The following MSRA variants were observed in gnomAD, a reference collection of about 807,000 sequenced individuals.
The protein encoded by MSRA is mitochondrial peptide methionine sulfoxide reductase.
Under a neutral mutation model 31.3 loss-of-function variants are expected in MSRA, and 54 were observed. The ratio of observed to expected loss-of-function variants is 1.73; its 90% CI spans 1.39 to 2.17. The LOEUF (loss-of-function observed/expected upper bound fraction) is 2.17. MSRA is among the 30% of genes most tolerant of loss of function. MSRA has a pLI of 0.00. For synonymous variants in MSRA, 169 were observed against 116.5 expected, an observed-to-expected ratio of 1.45 and a Z score of -2.90; for missense variants, 507 against 300.9, an observed-to-expected ratio of 1.69 and a Z score of -5.07.
intron 1 of MSRA, among the ~76,000 whole-genome samples, chr8:10,176,298 C>G (rs1372611271): frequency 6.6e-6 from 1 of 152,168 alleles, no homozygotes; most frequent in Non-Finnish European, 1.5e-5. Flanking sequence ...TTGTTCATCT[C>G]AAATCAAGCC....
chr8:10,211,164 A>T (rs1809458165), intron 2 of MSRA, among the ~76,000 whole-genome samples: 1 of 152,204 alleles, frequency 6.6e-6, no homozygotes, highest in Non-Finnish European at 1.5e-5. Context: ...TTTAGATTAG[A>T]ATGTGAAATG....
At chr8:10,352,197 G>T (rs1344700840) in intron 5 of MSRA, among the ~76,000 whole-genome samples, 1 of 152,188 alleles carries the variant, frequency 6.6e-6, no homozygotes, top group Non-Finnish European at 1.5e-5. Context: ...GGACGAGAAG[G>T]AGATGTTGTA....
intron 2 of MSRA, among the ~76,000 whole-genome samples, chr8:10,224,057 T>G (rs1810767157): frequency 6.6e-6 from 1 of 152,170 alleles, no homozygotes. Context: ...TCAATGGAGA[T>G]AGTGATATCT....
intron 1 of MSRA, among the ~76,000 whole-genome samples, chr8:10,157,481 A>G (rs1382367075): frequency 6.6e-6 from 1 of 152,088 alleles, no homozygotes; most frequent in East Asian, 1.9e-4. Flanking sequence ...TGGCAGAAGC[A>G]AGTTCTGGGG....
intron 5 of MSRA, among the ~76,000 whole-genome samples, chr8:10,329,752 C>G (rs2129143309): frequency 1.3e-5 from 2 of 151,574 alleles, no homozygotes; most frequent in South Asian, 4.2e-4. Context: ...GGGAGCGCAT[C>G]TGGCTTGCCC....
intron 5 of MSRA, among the ~76,000 whole-genome samples, chr8:10,425,146 G>C (rs1269749197): frequency 6.6e-6 from 1 of 152,070 alleles, no homozygotes; most frequent in Non-Finnish European, 1.5e-5. Context: ...CGGTGGGTGG[G>C]GGGATGGGGG....
intron 3 of MSRA, chr8:10,250,609 C>G (rs949606369): frequency 3.2e-6 from 2 of 628,582 alleles, no homozygotes; most frequent in East Asian, 5.5e-5. Context: ...GGTGGATTTT[C>G]AAGCAGGCTG....
intron 1 of MSRA, among the ~76,000 whole-genome samples, chr8:10,097,468 A>G (rs1292622699): frequency 1.3e-5 from 2 of 152,204 alleles, no homozygotes; most frequent in African/African-American, 4.8e-5. Context: ...ATTCATGCTT[A>G]TACTAAAAAA....
Position 10,428,387 on chromosome 8 carries a change from C to T in MSRA, c.*75C>T. Reference sequence around the variant, plus strand: ...CAAATTGGGCAATGCTTGTGTGATTCACAATCGTGGCATTTAAAGTGCACA... The same window carrying T: ...CAAATTGGGCAATGCTTGTGTGATTTACAATCGTGGCATTTAAAGTGCACA... On this transcript the variant is annotated 3_prime_UTR_variant, in exon 6 of 6. Coordinates refer to ENST00000317173, the MANE Select transcript of MSRA (RefSeq NM_012331.5). 1 of 1,486,074 alleles carries T rather than the reference C, an allele frequency of 6.7e-7. No individual in the cohort carries two copies. The highest frequency in any genetic ancestry group is 1.4e-5 in the African/African-American group (1 of 71,850). 92.1% of individuals were successfully genotyped at this position (1,486,074 alleles called of 1,614,324 possible).
intron 4 of MSRA, among the ~76,000 whole-genome samples, chr8:10,302,930 A>T (rs1800925855): frequency 1.3e-5 from 2 of 152,188 alleles, no homozygotes; most frequent in Non-Finnish European, 2.9e-5. Context: ...ACATCACTTC[A>T]TGTGGGAAGG....
intron 5 of MSRA, among the ~76,000 whole-genome samples, chr8:10,386,100 C>T (rs1456834774): frequency 2.0e-5 from 3 of 152,146 alleles, no homozygotes; most frequent in Non-Finnish European, 4.4e-5. Flanking sequence ...ATTGAAGTGC[C>T]TGTGTGCCAT....
At position 10,118,413 on chromosome 8, in the gene MSRA, A is replaced by G. The variant is rs533239624; in HGVS notation, c.142+63755A>G. Among the ~76,000 whole-genome samples, 6 of 152,182 alleles carry G rather than the reference A, an allele frequency of 3.9e-5. No homozygotes were observed. The South Asian group carries it at 1.2e-3, about 32-fold the overall frequency. On this transcript the variant is annotated intron_variant, in intron 1 of 5. Transcript: ENST00000317173. The stretch of plus-strand genomic sequence containing the variant: ...CCCATGACATAAATAAGCACAGAAG[A>G]TGTGTCTGTACCTCTGTATCTGCTT...
chr8:10,284,253 A>G (rs1041309667), intron 3 of MSRA, among the ~76,000 whole-genome samples: 18 of 152,142 alleles, frequency 1.2e-4, no homozygotes, highest in Non-Finnish European at 1.6e-4. Context: ...CAATGGCACA[A>G]TCTCGGCTCA....
intron 1 of MSRA, among the ~76,000 whole-genome samples, chr8:10,193,886 A>G (rs1807745618): frequency 1.3e-5 from 2 of 152,208 alleles, no homozygotes; most frequent in African/African-American, 4.8e-5. Context: ...TTTTAAAAAA[A>G]ATCTACCCAC....
At chr8:10,159,629 A>G (rs1026670538) in intron 1 of MSRA, among the ~76,000 whole-genome samples, 3 of 151,022 alleles carry the variant, frequency 2.0e-5, no homozygotes, top group African/African-American at 7.4e-5. Flanking sequence ...AAAGCACTTT[A>G]CAAGGCTTTC....
chr8:10,229,315 G>A (rs1811264358), intron 2 of MSRA, among the ~76,000 whole-genome samples: 1 of 152,248 alleles, frequency 6.6e-6, no homozygotes, highest in African/African-American at 2.4e-5. Context: ...GTAGCCATTA[G>A]AGAGGGATCA....
chr8:10,157,229 C>T (rs1356767176), intron 1 of MSRA, among the ~76,000 whole-genome samples: 3 of 151,990 alleles, frequency 2.0e-5, no homozygotes, highest in Non-Finnish European at 2.9e-5. Flanking sequence ...GTAAAGATCT[C>T]GTTAACACTC....
chr8:10,370,997 T>G (rs1197426423), intron 5 of MSRA, among the ~76,000 whole-genome samples: 1 of 152,118 alleles, frequency 6.6e-6, no homozygotes, highest in East Asian at 1.9e-4. Context: ...ATGCCACAAT[T>G]CAAATCCACC....
intron 5 of MSRA, among the ~76,000 whole-genome samples, chr8:10,397,292 C>G (rs1029332509): frequency 2.0e-5 from 3 of 152,222 alleles, no homozygotes; most frequent in Non-Finnish European, 4.4e-5. Context: ...AATCATACCC[C>G]TCAAAGGCCT....
Sources: allele counts gnomAD v4.1 joint callset (sites outside exome capture counted in the v4.1 genomes callset), GRCh38; gene constraint gnomAD v4.1.1; transcripts MANE v1.5; gene names NCBI Gene and HGNC (gene_info 2026-07-23, HGNC 2026-07-21).